CSNK1G1: variants seen among roughly 807,000 people sequenced by gnomAD.
The protein encoded by CSNK1G1 is casein kinase I isoform gamma-1.
CSNK1G1 carries 22 observed loss-of-function variants against 59.6 expected under a neutral mutation model. That is an observed-to-expected ratio of 0.37 (90% CI 0.26 to 0.53). The LOEUF (loss-of-function observed/expected upper bound fraction) is 0.53. Among genes scored for constraint, CSNK1G1 ranks in the 20% least tolerant of loss-of-function variants. CSNK1G1 has a pLI of 0.89. For synonymous variants in CSNK1G1, 179 were observed against 177.1 expected (o/e 1.01, Z -0.08); for missense variants, 384 against 519.5 (o/e 0.74, Z 2.54).
Position 64,180,287 on chromosome 15 carries a change from G to A in CSNK1G1, c.1214+61C>T, listed in dbSNP as rs558215472. On this transcript the variant is annotated intron_variant, in intron 11 of 11. Coordinates refer to ENST00000303052, the MANE Select transcript of CSNK1G1 (RefSeq NM_022048.5). Reference sequence around the variant, plus strand: ...TCTGAGACGAGCAGCACACAGAGAGGAAGAGACAGAAAAGATTTTTCAACC... The same window carrying A: ...TCTGAGACGAGCAGCACACAGAGAGAAAGAGACAGAAAAGATTTTTCAACC... The A allele has an allele frequency of 1.0e-4, 122 of 1,185,910 alleles. No individual in the cohort carries two copies. The African/African-American group carries it at 1.7e-3, about 17-fold the overall frequency. 73.5% of individuals were successfully genotyped at this position (1,185,910 alleles called of 1,614,324 possible). A position where few individuals can be genotyped will look rare whatever the true frequency, so the allele number is the denominator to read the frequency against.
intron 10 of CSNK1G1, among the ~76,000 whole-genome samples, chr15:64,197,547 G>A (rs1461611411): frequency 6.6e-6 from 1 of 152,122 alleles, no homozygotes; most frequent in Non-Finnish European, 1.5e-5. Flanking sequence ...CCTTAATCCT[G>A]ACATTCATGT....
At chr15:64,197,927 T>C (rs2082057474) in intron 10 of CSNK1G1, among the ~76,000 whole-genome samples, 1 of 152,046 alleles carries the variant, frequency 6.6e-6, no homozygotes, top group Non-Finnish European at 1.5e-5. Flanking sequence ...AAAACATTTG[T>C]TGTTGATCAT....
At chr15:64,307,735 G>A (rs145583846) in intron 1 of CSNK1G1, among the ~76,000 whole-genome samples, 3 of 152,358 alleles carry the variant, frequency 2.0e-5, no homozygotes, top group Admixed American at 6.5e-5. Context: ...CACCCAGGCT[G>A]GAGTGCAGTG....
chr15:64,201,361 A>G (rs559572447), intron 10 of CSNK1G1, among the ~76,000 whole-genome samples: 74 of 152,220 alleles, frequency 4.9e-4, no homozygotes, highest in African/African-American at 1.8e-3. Flanking sequence ...CAACAGCAAT[A>G]TGTCAGTTTA....
intron 4 of CSNK1G1, among the ~76,000 whole-genome samples, chr15:64,250,809 CT>C (rs1457709848): frequency 1.3e-5 from 2 of 151,978 alleles, no homozygotes; most frequent in African/African-American, 4.8e-5. Context: ...CATATAAAAC[CT>C]GTCACAGTGA....
intron 3 of CSNK1G1, among the ~76,000 whole-genome samples, chr15:64,257,868 T>A (rs1197862390): frequency 6.6e-6 from 1 of 152,172 alleles, no homozygotes; most frequent in Non-Finnish European, 1.5e-5. Context: ...TTGACCTGCA[T>A]TGTTACATGT....
Position 64,168,084 on chromosome 15 carries a change from A to T in CSNK1G1, c.*3847T>A, listed in dbSNP as rs1374750579. 4 of 152,570 alleles carry T rather than the reference A, an allele frequency of 2.6e-5. No individual in the cohort carries two copies. Among genetic ancestry groups the T allele is most frequent in the Non-Finnish European group, 5.9e-5 (4 of 68,042 alleles). The allele number at this position is 152,570 out of a possible 1,614,324, so 9.5% of individuals were successfully genotyped here. A position where few individuals can be genotyped will look rare whatever the true frequency, so the allele number is the denominator to read the frequency against. ...GATGGTCACCTTTTCTGGCTGATGGACAGGGACTGTTTTCTAAGTACTTGG... is the reference window on the plus strand; with the variant it reads ...GATGGTCACCTTTTCTGGCTGATGGTCAGGGACTGTTTTCTAAGTACTTGG... On this transcript the variant is annotated 3_prime_UTR_variant, in exon 12 of 12. Transcript: ENST00000303052.
In CSNK1G1 at chr15:64,170,492, G is replaced by A. The variant is rs978878365; in HGVS notation, c.*1439C>T. On this transcript the variant is annotated 3_prime_UTR_variant, in exon 12 of 12. Transcript: ENST00000303052. ...GCCTACTGCTATGGACCTGCTGGGA[G>A]AAGATCTTCATAAGCTTGGTTTCTG... is the stretch of plus-strand genomic sequence containing the variant. The A allele has an allele frequency of 1.3e-5, 2 of 152,696 alleles. No individual in the cohort carries two copies. Among genetic ancestry groups the A allele is most frequent in the Admixed American group, 6.5e-5 (1 of 15,280 alleles). The allele number at this position is 152,696 out of a possible 1,614,324, so 9.5% of individuals were successfully genotyped here.
At chr15:64,315,940 T>C (rs1896240245) in intron 1 of CSNK1G1, among the ~76,000 whole-genome samples, 1 of 152,220 alleles carries the variant, frequency 6.6e-6, no homozygotes, top group Non-Finnish European at 1.5e-5. Context: ...GTCAAATCTG[T>C]GTTTTTTAAA....
intron 4 of CSNK1G1, among the ~76,000 whole-genome samples, chr15:64,235,336 C>A (rs2082601189): frequency 6.6e-6 from 1 of 152,174 alleles, no homozygotes. Flanking sequence ...CTTAAACCAA[C>A]ATTTTTTATT....
At position 64,165,808 on chromosome 15, in the gene CSNK1G1, G is replaced by C; in HGVS notation, c.*6123C>G. 2.5e-6 allele frequency: 1 copy of C among 401,474 alleles called. No homozygotes were observed. The highest frequency in any genetic ancestry group is 4.4e-6 in the Non-Finnish European group (1 of 227,424). The allele number at this position is 401,474 out of a possible 1,614,324, so 24.9% of individuals were successfully genotyped here. A position where few individuals can be genotyped will look rare whatever the true frequency, so the allele number is the denominator to read the frequency against. On this transcript the variant is annotated 3_prime_UTR_variant, in exon 12 of 12. Transcript: ENST00000303052. ...TGAGTCCTTTCCTCCCCAAACTGGG[G>C]AAGAGGTATACTTAAAGATCACATT...
chr15:64,231,890 A>G (rs973495275), intron 4 of CSNK1G1, among the ~76,000 whole-genome samples: 1 of 152,214 alleles, frequency 6.6e-6, no homozygotes, highest in Non-Finnish European at 1.5e-5. Flanking sequence ...CTGTAAGCTC[A>G]GTAAATATTA....
intron 4 of CSNK1G1, among the ~76,000 whole-genome samples, chr15:64,225,618 T>A (rs2082449861): frequency 6.6e-6 from 1 of 152,164 alleles, no homozygotes; most frequent in African/African-American, 2.4e-5. Context: ...CTTAGATGTG[T>A]TACCATGATC....
In CSNK1G1 at chr15:64,170,374, G is replaced by C. The variant is rs770491315; in HGVS notation, c.*1557C>G. The C allele has an allele frequency of 1.3e-5, 2 of 152,508 alleles. No homozygotes were observed. Among genetic ancestry groups the C allele is most frequent in the Non-Finnish European group, 2.9e-5 (2 of 68,068 alleles). The allele number at this position is 152,508 out of a possible 1,614,324, so 9.4% of individuals were successfully genotyped here. A position where few individuals can be genotyped will look rare whatever the true frequency, so the allele number is the denominator to read the frequency against. On this transcript the variant is annotated 3_prime_UTR_variant, in exon 12 of 12. Coordinates refer to ENST00000303052, the MANE Select transcript of CSNK1G1 (RefSeq NM_022048.5). ...GAGTCCAATTGAGAAGATAATTTCAGACCTTTCATTCCAGTCTCCTTTTCC... is the reference window on the plus strand; with the variant it reads ...GAGTCCAATTGAGAAGATAATTTCACACCTTTCATTCCAGTCTCCTTTTCC...
At chr15:64,172,305 T>G (rs1734125732) in intron 11 of CSNK1G1, among the ~76,000 whole-genome samples, 1 of 152,188 alleles carries the variant, frequency 6.6e-6, no homozygotes, top group African/African-American at 2.4e-5. Flanking sequence ...ATGCCTCACC[T>G]TATCAAGAGT....
chr15:64,278,412 GTGTGTGTATATATA>G (rs1893904175), intron 2 of CSNK1G1, among the ~76,000 whole-genome samples: 1 of 110,376 alleles, frequency 9.1e-6, no homozygotes, highest in African/African-American at 4.9e-5. Context: ...GTGTGTGTGT[GTGTGTGTATATATA>G]TATATATTTT....
intron 2 of CSNK1G1, among the ~76,000 whole-genome samples, chr15:64,263,913 C>T (rs912918338): frequency 4.0e-5 from 6 of 150,570 alleles, no homozygotes; most frequent in Admixed American, 2.6e-4. Flanking sequence ...AAACTTCTAC[C>T]TATAATTATT....
chr15:64,288,217 G>C (rs1227520761), intron 2 of CSNK1G1, among the ~76,000 whole-genome samples: 1 of 152,006 alleles, frequency 6.6e-6, no homozygotes, highest in Non-Finnish European at 1.5e-5. Flanking sequence ...TACAGTAACA[G>C]TGCTCTCATA....
intron 3 of CSNK1G1, among the ~76,000 whole-genome samples, chr15:64,252,518 A>AT (rs71871006): frequency 0.2 from 29,699 of 152,028 alleles, 4,051 homozygotes; most frequent in African/African-American, 0.39. Flanking sequence ...GGCTTATATT[A>AT]TTTTAATGGT....
Sources: allele counts gnomAD v4.1 joint callset (sites outside exome capture counted in the v4.1 genomes callset), GRCh38; gene constraint gnomAD v4.1.1; transcripts MANE v1.5; gene names NCBI Gene and HGNC (gene_info 2026-07-23, HGNC 2026-07-21).